Variants in ECPAS observed in about 807,000 individuals in gnomAD.
ECPAS encodes the protein proteasome adapter and scaffold protein ECM29.
A neutral mutation model predicts 255.1 loss-of-function variants in ECPAS; 70 were observed. The ratio of observed to expected loss-of-function variants is 0.27; its 90% CI spans 0.23 to 0.33. The LOEUF is 0.33. Among genes scored for constraint, ECPAS ranks in the 10% least tolerant of loss-of-function variants. ECPAS has a pLI of 1.00. For synonymous variants in ECPAS, 784 were observed against 775.0 expected, an observed-to-expected ratio of 1.01 and a Z score of -0.19; for missense variants, 1,817 against 2,206.4, an observed-to-expected ratio of 0.82 and a Z score of 3.54.
intron 24 of ECPAS, among the ~76,000 whole-genome samples, chr9:111,401,505 G>A (rs1386774256): frequency 2.0e-5 from 3 of 152,322 alleles, no homozygotes; most frequent in Non-Finnish European, 4.4e-5. Flanking sequence ...GTCCCGCTGT[G>A]CACACATTGT....
At chr9:111,470,974 A>C (rs2098287264) in intron 2 of ECPAS, among the ~76,000 whole-genome samples, 1 of 152,134 alleles carries the variant, frequency 6.6e-6, no homozygotes, top group Non-Finnish European at 1.5e-5. Context: ...ACAAGCAGGA[A>C]AGATTACTTC....
chr9:111,411,774 T>G (rs529840326), intron 21 of ECPAS: 1 of 368,688 alleles, frequency 2.7e-6, no homozygotes, highest in Non-Finnish European at 4.8e-6. Context: ...GGGATTCTCA[T>G]GTATTTATGA....
chr9:111,442,626 G>A (rs1183212548), intron 4 of ECPAS, among the ~76,000 whole-genome samples: 1 of 152,122 alleles, frequency 6.6e-6, no homozygotes, highest in African/African-American at 2.4e-5. Flanking sequence ...CAAAATGCTT[G>A]CTTTAAAGTA....
chr9:111,478,343 A>G (rs1019280971), intron 1 of ECPAS, among the ~76,000 whole-genome samples: 1 of 146,740 alleles, frequency 6.8e-6, no homozygotes, highest in Admixed American at 6.8e-5. Flanking sequence ...CCTGGCCAAC[A>G]TGGTGAAACC....
chr9:111,389,905 C>T (rs3737125), intron 30 of ECPAS, 79 bp downstream of exon 30: 28,214 of 1,168,286 alleles, frequency 0.024, 1,271 homozygotes, highest in African/African-American at 0.15. Context: ...GCACTACATA[C>T]CATTTGCCAC....
chr9:111,483,045 C>G (rs1051519777), intron 1 of ECPAS, among the ~76,000 whole-genome samples: 14 of 152,238 alleles, frequency 9.2e-5, no homozygotes, highest in African/African-American at 3.4e-4. Context: ...CGGCTGATTA[C>G]TAGAGTGTCA....
intron 1 of ECPAS, among the ~76,000 whole-genome samples, chr9:111,482,875 G>A (rs1197612678): frequency 6.6e-6 from 1 of 152,122 alleles, no homozygotes; most frequent in Non-Finnish European, 1.5e-5. Context: ...CCCCAGACAG[G>A]GACCGCCGTC....
intron 24 of ECPAS, among the ~76,000 whole-genome samples, chr9:111,401,380 T>C (rs892645098): frequency 1.3e-5 from 2 of 152,130 alleles, no homozygotes; most frequent in Non-Finnish European, 2.9e-5. Context: ...ATTAGGGATT[T>C]TGAAAGGGGA....
intron 45 of ECPAS, 129 bp downstream of exon 45, chr9:111,370,306 G>T: frequency 1.6e-6 from 1 of 619,376 alleles, no homozygotes; most frequent in East Asian, 2.8e-5. Context: ...CTTGTTTAAG[G>T]CCGTATTTTG....
intron 36 of ECPAS, among the ~76,000 whole-genome samples, chr9:111,377,598 C>T (rs1052350312): frequency 9.9e-5 from 15 of 152,086 alleles, no homozygotes; most frequent in Admixed American, 5.9e-4. Flanking sequence ...TATATAGACA[C>T]GATATACTGT....
At chr9:111,370,840 T>C in intron 43 of ECPAS, 75 bp from the exon 44 acceptor site, 1 of 1,361,278 alleles carries the variant, frequency 7.3e-7, no homozygotes, top group Non-Finnish European at 1.0e-6. Flanking sequence ...ATGATTACAA[T>C]TACCTTAGGA....
At chr9:111,377,067 G>T (rs911693346) in intron 36 of ECPAS, among the ~76,000 whole-genome samples, 1 of 152,172 alleles carries the variant, frequency 6.6e-6, no homozygotes, top group Non-Finnish European at 1.5e-5. Context: ...GTTTAGACTA[G>T]AATTTATGTT....
intron 1 of ECPAS, among the ~76,000 whole-genome samples, chr9:111,473,232 A>G (rs1369761316): frequency 2.0e-5 from 3 of 152,204 alleles, no homozygotes; most frequent in African/African-American, 4.8e-5. Flanking sequence ...ATACACTGAT[A>G]ATCATTTGCT....
chr9:111,448,174 ATT>A (rs958094187), intron 3 of ECPAS, among the ~76,000 whole-genome samples: 2 of 152,178 alleles, frequency 1.3e-5, no homozygotes, highest in African/African-American at 4.8e-5. Context: ...TATCAATAAA[ATT>A]TTTTCTTAAA....
intron 2 of ECPAS, among the ~76,000 whole-genome samples, chr9:111,463,754 GA>G (rs1033502221): frequency 6.6e-6 from 1 of 150,614 alleles, no homozygotes; most frequent in East Asian, 1.9e-4. Flanking sequence ...CTACACATCA[GA>G]AAAAAAAAGA....
intron 38 of ECPAS, among the ~76,000 whole-genome samples, chr9:111,374,661 GA>G (rs1244900245): frequency 6.6e-6 from 1 of 152,158 alleles, no homozygotes; most frequent in Admixed American, 6.5e-5. Context: ...TTTGTCATAA[GA>G]AAAAATGTGA....
chr9:111,364,811 C>A (rs188104175), intron 48 of ECPAS, among the ~76,000 whole-genome samples: 48 of 152,262 alleles, frequency 3.2e-4, no homozygotes, highest in African/African-American at 1.1e-3. Context: ...GAGGACACAT[C>A]ACTTATGTAT....
Position 111,439,952 on chromosome 9 carries a change from A to C in ECPAS, c.539+420T>G, listed in dbSNP as rs1027696015. On this transcript the variant is annotated intron_variant, in intron 6 of 49. Coordinates refer to ENST00000684092, the MANE Select transcript of ECPAS (RefSeq NM_001364929.1). ...ATGATATTGCAGCAACAAAGAAGAG[A>C]AAAGCTGGAGACAATTTATCATTGT... 7.2e-5 allele frequency among the ~76,000 whole-genome samples: 11 copies of C among 152,276 alleles called. No homozygotes were observed. In the South Asian group the frequency reaches 2.1e-3, roughly 29 times the overall value.
chr9:111,421,447 GTGTA>G (rs2098213801), intron 15 of ECPAS, among the ~76,000 whole-genome samples: 1 of 146,516 alleles, frequency 6.8e-6, no homozygotes, highest in African/African-American at 2.6e-5. Flanking sequence ...GTGTGTGTGT[GTGTA>G]TCTACAGATA....
Sources: gnomAD v4.1 joint callset for allele counts (sites outside exome capture counted in the v4.1 genomes callset) on GRCh38, gnomAD v4.1.1 for gene constraint, MANE v1.5 for transcripts, NCBI Gene and HGNC (gene_info 2026-07-23, HGNC 2026-07-21) for gene names.